Variants in ELAPOR2 observed in about 807,000 individuals in gnomAD.
ELAPOR2 encodes endosome/lysosome-associated apoptosis and autophagy regulator family member 2.
Under a neutral mutation model 120.7 loss-of-function variants are expected in ELAPOR2, and 89 were observed. That is an observed-to-expected ratio of 0.74 (90% CI 0.62 to 0.88). The LOEUF is 0.88. Among genes scored for constraint, ELAPOR2 ranks in the 40% least tolerant of loss-of-function variants. The probability of loss-of-function intolerance (pLI) is 0.00; values close to 1 mark genes in which losing one functional copy is unlikely to be tolerated. For missense variants in ELAPOR2, 1,134 were observed against 1,251.6 expected (o/e 0.91, Z 1.42); for synonymous variants, 444 against 444.9 (o/e 1.00, Z 0.03).
chr7:86,913,244 G>T (rs760549611), intron 13 of ELAPOR2, 40 bp from the exon 14 acceptor site: 1 of 1,595,164 alleles, frequency 6.3e-7, no homozygotes, highest in Non-Finnish European at 8.6e-7. Flanking sequence ...CTGCCTTGGG[G>T]CTTAGTTGTA....
chr7:87,002,131 T>C (rs1185272138), intron 1 of ELAPOR2, among the ~76,000 whole-genome samples: 1 of 152,142 alleles, frequency 6.6e-6, no homozygotes, highest in Non-Finnish European at 1.5e-5. Flanking sequence ...ACTTGCCAAT[T>C]AGAGATATCT....
At chr7:86,937,572 CTTGCATTTTCTCA>C (rs2116315362) in intron 8 of ELAPOR2, among the ~76,000 whole-genome samples, 1 of 152,208 alleles carries the variant, frequency 6.6e-6, no homozygotes, top group East Asian at 1.9e-4. Flanking sequence ...ATGGTACTTA[CTTGCATTTTCTCA>C]ATGCAATTAC....
intron 1 of ELAPOR2, among the ~76,000 whole-genome samples, chr7:87,050,539 T>A (rs1021990789): frequency 6.6e-6 from 1 of 152,170 alleles, no homozygotes; most frequent in Non-Finnish European, 1.5e-5. Flanking sequence ...GTGCTTCCTA[T>A]AAAGCCTCCA....
chr7:86,977,147 A>C (rs1792309411), intron 1 of ELAPOR2, among the ~76,000 whole-genome samples: 1 of 152,252 alleles, frequency 6.6e-6, no homozygotes, highest in Admixed American at 6.5e-5. Flanking sequence ...ATACATATCA[A>C]TCATTGTGCT....
intron 1 of ELAPOR2, among the ~76,000 whole-genome samples, chr7:87,038,626 A>G (rs1794661360): frequency 6.6e-6 from 1 of 152,172 alleles, no homozygotes; most frequent in African/African-American, 2.4e-5. Context: ...GAAATTAATA[A>G]TAAGAGCAAT....
At chr7:87,040,608 A>G (rs1246442427) in intron 1 of ELAPOR2, among the ~76,000 whole-genome samples, 1 of 152,160 alleles carries the variant, frequency 6.6e-6, no homozygotes, top group East Asian at 1.9e-4. Context: ...CCAAAAACCC[A>G]TCTGTACATC....
chr7:86,970,659 A>G (rs1210842080), intron 1 of ELAPOR2, among the ~76,000 whole-genome samples: 1 of 152,214 alleles, frequency 6.6e-6, no homozygotes, highest in African/African-American at 2.4e-5. Flanking sequence ...CATGCAACTT[A>G]TACGAGCTCC....
chr7:86,938,762 C>T, intron 7 of ELAPOR2, 46 bp downstream of exon 7: 1 of 1,592,790 alleles, frequency 6.3e-7, no homozygotes, highest in Non-Finnish European at 8.6e-7. Context: ...TACACTTGAC[C>T]AACATACATT....
At chr7:87,045,786 TA>T (rs1036651101) in intron 1 of ELAPOR2, among the ~76,000 whole-genome samples, 5 of 150,412 alleles carry the variant, frequency 3.3e-5, no homozygotes, top group South Asian at 4.2e-4. Context: ...AAAATATATA[TA>T]AAAAAAGGAA....
At chr7:86,898,905 G>C (rs565648326) in intron 18 of ELAPOR2, among the ~76,000 whole-genome samples, 10 of 152,242 alleles carry the variant, frequency 6.6e-5, no homozygotes, top group African/African-American at 2.4e-4. Flanking sequence ...GTCTTTTAGA[G>C]GTAGGAGAAA....
chr7:86,900,672 A>G (rs747851780), intron 18 of ELAPOR2, among the ~76,000 whole-genome samples: 1 of 152,206 alleles, frequency 6.6e-6, no homozygotes, highest in Non-Finnish European at 1.5e-5. Flanking sequence ...CTTAGAGTCA[A>G]TTATTTGATT....
chr7:86,891,728 G>A lies in ELAPOR2; in HGVS notation c.3026C>T (p.Thr1009Ile), dbSNP rs140746958. The change falls in exon 21 of 22, where the codon ACC becomes ATC. Residue 1009 changes from threonine to isoleucine, a missense_variant. Coordinates refer to ENST00000450689, the MANE Select transcript of ELAPOR2 (RefSeq NM_001142749.3). ...SLLGKLKSLA[T>I]KEKEDHFESV... ...AGGTTAAAATTCTACTCTCACCTTG[G>A]TTGCCAAAGATTTGAGTTTTCCTAG... 1 of 1,605,410 alleles carries A rather than the reference G, an allele frequency of 6.2e-7. No homozygotes were observed. Among genetic ancestry groups the A allele is most frequent in the Non-Finnish European group, 8.5e-7 (1 of 1,175,910 alleles).
At chr7:87,039,974 G>C (rs975215655) in intron 1 of ELAPOR2, among the ~76,000 whole-genome samples, 1 of 152,230 alleles carries the variant, frequency 6.6e-6, no homozygotes, top group Non-Finnish European at 1.5e-5. Context: ...CAAGGGGTCA[G>C]GGAGTTCCCT....
chr7:86,889,050 G>A (rs560402562), intron 21 of ELAPOR2, among the ~76,000 whole-genome samples: 1 of 152,154 alleles, frequency 6.6e-6, no homozygotes, highest in Admixed American at 6.6e-5. Context: ...TACCCCTACT[G>A]TTATGGATGT....
chr7:86,928,776 A>C (rs1178154892), intron 8 of ELAPOR2, among the ~76,000 whole-genome samples: 1 of 152,000 alleles, frequency 6.6e-6, no homozygotes, highest in Non-Finnish European at 1.5e-5. Context: ...ATTAAAAAAT[A>C]TACACCACTT....
intron 1 of ELAPOR2, among the ~76,000 whole-genome samples, chr7:86,996,067 T>C (rs983972880): frequency 2.0e-5 from 3 of 151,504 alleles, no homozygotes; most frequent in African/African-American, 4.9e-5. Context: ...TGTGAGGGAA[T>C]TGAAGGAGAA....
In ELAPOR2 at chr7:86,964,979, T is replaced by G. The variant is rs1185691246; in HGVS notation, c.235A>C (p.Arg79=). The G allele has an allele frequency of 6.4e-7, 1 of 1,551,554 alleles. No homozygotes were observed. Among genetic ancestry groups the G allele is most frequent in the Non-Finnish European group, 8.7e-7 (1 of 1,146,852 alleles). Residue 79 remains arginine (R), a synonymous_variant, in exon 2 of 22, where the codon AGG becomes CGG. Coordinates refer to ENST00000450689, the MANE Select transcript of ELAPOR2 (RefSeq NM_001142749.3). ...EYTECDSSGS[R]WRVAIPNSAV... The stretch of plus-strand genomic sequence containing the variant: ...GAATTTGGAATGGCAACTCTCCACC[T>G]GGAGCCACTGCTATCACATTCCGTA...
chr7:86,918,840 G>A (rs1164893914), intron 11 of ELAPOR2, among the ~76,000 whole-genome samples: 1 of 151,956 alleles, frequency 6.6e-6, no homozygotes, highest in Non-Finnish European at 1.5e-5. Flanking sequence ...AAATGAAATG[G>A]GATTAAGAAA....
chr7:86,923,567 TA>T (rs1173858266), intron 10 of ELAPOR2, among the ~76,000 whole-genome samples: 1 of 152,106 alleles, frequency 6.6e-6, no homozygotes, highest in East Asian at 1.9e-4. Flanking sequence ...CTAAAATTAA[TA>T]TTTTTTGTGC....
Sources: gnomAD v4.1 joint callset for allele counts (sites outside exome capture counted in the v4.1 genomes callset) on GRCh38, gnomAD v4.1.1 for gene constraint, MANE v1.5 for transcripts, NCBI Gene and HGNC (gene_info 2026-07-23, HGNC 2026-07-21) for gene names.